CEP170: variants seen among roughly 807,000 people sequenced by gnomAD.
CEP170 encodes the protein centrosomal protein of 170 kDa.
In CEP170, 21 loss-of-function variants were observed where a neutral mutation model predicts 151.9. That is an observed-to-expected ratio of 0.14 (90% confidence interval 0.10 to 0.20). The LOEUF (loss-of-function observed/expected upper bound fraction) is 0.20, where lower values mean the gene tolerates loss of function less well. Among genes scored for constraint, CEP170 ranks in the 10% least tolerant of loss-of-function variants. The pLI is 1.00. For synonymous variants in CEP170, 356 were observed against 648.8 expected, an observed-to-expected ratio of 0.55 and a Z score of 6.86; for missense variants, 964 against 1,892.9, an observed-to-expected ratio of 0.51 and a Z score of 9.11.
chr1:243,159,896 C>A (rs2057925767), intron 13 of CEP170, among the ~76,000 whole-genome samples: 1 of 151,882 alleles, frequency 6.6e-6, no homozygotes, highest in Non-Finnish European at 1.5e-5. Context: ...TCAAGCAATT[C>A]TCCTGCCTCA....
In CEP170 at chr1:243,255,188, A is replaced by T. The variant is rs2066522651; in HGVS notation, c.-190T>A. 1 of 152,976 alleles carries T rather than the reference A, an allele frequency of 6.5e-6. No individual in the cohort carries two copies. Among genetic ancestry groups the T allele is most frequent in the Non-Finnish European group, 1.5e-5 (1 of 68,360 alleles). The allele number at this position is 152,976 out of a possible 1,614,324, so 9.5% of individuals were successfully genotyped here. On this transcript the variant is annotated 5_prime_UTR_variant, in exon 1 of 20. Transcript: ENST00000366542. Reference sequence around the variant, plus strand: ...GCTGCGGTCGAGCTCCGGGGCCCTCAGCTCCGCTGGGCAATAACGTTATTC... The same window carrying T: ...GCTGCGGTCGAGCTCCGGGGCCCTCTGCTCCGCTGGGCAATAACGTTATTC...
chr1:243,195,862 T>C (rs1326479179), intron 7 of CEP170, among the ~76,000 whole-genome samples: 1 of 151,966 alleles, frequency 6.6e-6, no homozygotes. Flanking sequence ...GAAACAGTAA[T>C]ATCCTCATAC....
intron 11 of CEP170, among the ~76,000 whole-genome samples, chr1:243,169,986 TC>T (rs1201934092): frequency 6.6e-6 from 1 of 152,040 alleles, no homozygotes; most frequent in East Asian, 1.9e-4. Flanking sequence ...TCAATGAAAA[TC>T]CAAGACAAGC....
intron 14 of CEP170, among the ~76,000 whole-genome samples, chr1:243,147,477 G>A (rs571168091): frequency 6.6e-6 from 1 of 152,276 alleles, no homozygotes; most frequent in African/African-American, 2.4e-5. Flanking sequence ...AACAGCTCAA[G>A]CAGATCTTAA....
At chr1:243,244,020 T>C (rs1022321872) in intron 1 of CEP170, among the ~76,000 whole-genome samples, 1 of 152,186 alleles carries the variant, frequency 6.6e-6, no homozygotes, top group Admixed American at 6.5e-5. Flanking sequence ...CAGTGATTGG[T>C]TGGAAAATAT....
intron 10 of CEP170, 60 bp from the exon 11 acceptor site, chr1:243,172,906 T>C: frequency 7.0e-7 from 1 of 1,435,832 alleles, no homozygotes; most frequent in South Asian, 1.6e-5. Context: ...GATTAATATG[T>C]GAATAGTATA....
At chr1:243,196,943 C>T (rs1411136402) in intron 7 of CEP170, among the ~76,000 whole-genome samples, 1 of 152,054 alleles carries the variant, frequency 6.6e-6, no homozygotes, top group Non-Finnish European at 1.5e-5. Context: ...ATGGGGGATG[C>T]ATTGGGAGAG....
At chr1:243,160,135 T>C (rs1307708803) in intron 13 of CEP170, among the ~76,000 whole-genome samples, 1 of 152,206 alleles carries the variant, frequency 6.6e-6, no homozygotes, top group East Asian at 1.9e-4. Context: ...AATGATAGTT[T>C]TTCTGATATC....
At chr1:243,198,031 A>C (rs568511991) in intron 7 of CEP170, among the ~76,000 whole-genome samples, 1 of 152,230 alleles carries the variant, frequency 6.6e-6, no homozygotes, top group East Asian at 1.9e-4. Context: ...CCAGCTAAGA[A>C]AAATGTCCTA....
At chr1:243,204,623 G>C (rs1558581731) in intron 4 of CEP170, among the ~76,000 whole-genome samples, 1 of 152,118 alleles carries the variant, frequency 6.6e-6, no homozygotes, top group East Asian at 1.9e-4. Context: ...TAGCACATTA[G>C]TGGTTTCTCC....
chr1:243,162,168 T>C (rs1474610287), intron 13 of CEP170, among the ~76,000 whole-genome samples: 2 of 152,326 alleles, frequency 1.3e-5, no homozygotes, highest in East Asian at 3.9e-4. Context: ...TTATATTGTA[T>C]ATTGACCTTG....
intron 8 of CEP170, among the ~76,000 whole-genome samples, chr1:243,188,887 T>G (rs927318126): frequency 6.6e-6 from 1 of 152,276 alleles, no homozygotes; most frequent in Non-Finnish European, 1.5e-5. Context: ...TGTTATCTAA[T>G]GATGGAAGCT....
chr1:243,172,156 C>A (rs1169397898), intron 11 of CEP170, among the ~76,000 whole-genome samples: 3 of 152,128 alleles, frequency 2.0e-5, no homozygotes, highest in Non-Finnish European at 4.4e-5. Context: ...TCATTAACTG[C>A]TTACTGAAAC....
At chr1:243,217,822 A>C (rs2062439736) in intron 3 of CEP170, among the ~76,000 whole-genome samples, 1 of 152,208 alleles carries the variant, frequency 6.6e-6, no homozygotes, top group African/African-American at 2.4e-5. Context: ...GGTGAGGAAA[A>C]TGAGGCAAAG....
At position 243,180,746 on chromosome 1, in the gene CEP170, T is replaced by A. The variant is rs531621776; in HGVS notation, c.1566+5033A>T. Among the ~76,000 whole-genome samples the A allele has an allele frequency of 4.1e-3, 617 of 152,330 alleles. 5 individuals carry two copies. The highest frequency in any genetic ancestry group is 0.014 in the African/African-American group (588 of 41,564). ...CAGGGTCCAGATCCGCAGCACTGAC[T>A]TTCTTGAGCTGTTTGACTCACTGCT... On this transcript the variant is annotated intron_variant, in intron 10 of 19. Transcript: ENST00000366542.
At chr1:243,178,986 G>C (rs2059443932) in intron 10 of CEP170, among the ~76,000 whole-genome samples, 1 of 152,140 alleles carries the variant, frequency 6.6e-6, no homozygotes, top group Non-Finnish European at 1.5e-5. Flanking sequence ...CAAAGTGCTG[G>C]GATTACAGGC....
intron 7 of CEP170, among the ~76,000 whole-genome samples, chr1:243,197,571 C>T (rs1394887918): frequency 1.3e-5 from 2 of 151,966 alleles, no homozygotes; most frequent in East Asian, 1.9e-4. Context: ...GTAACGTTTT[C>T]GCTTTCCTGT....
rs532732512 is a variant in CEP170 at position 243,234,956 on chromosome 1, G to GT, written c.-41-9636dup. On this transcript the variant is annotated intron_variant, in intron 1 of 19. Transcript: ENST00000366542. Reference sequence around the variant, plus strand: ...ATAGGTGTGTATATAGACATAATTGGTTTTAGCTACAAAAATTCTTCAAGT... The same window carrying GT: ...ATAGGTGTGTATATAGACATAATTGGTTTTTAGCTACAAAAATTCTTCAAGT... Among the ~76,000 whole-genome samples the GT allele has an allele frequency of 2.3e-3, 350 of 152,150 alleles. 1 individual carries two copies. The highest frequency in any genetic ancestry group is 4.3e-3 in the Non-Finnish European group (293 of 68,002).
intron 13 of CEP170, among the ~76,000 whole-genome samples, chr1:243,161,516 C>G (rs764119590): frequency 2.0e-5 from 3 of 152,046 alleles, no homozygotes; most frequent in Non-Finnish European, 4.4e-5. Context: ...TTGTCCAAGG[C>G]TGGAATGCAG....
Sources: gnomAD v4.1 joint callset for allele counts (sites outside exome capture counted in the v4.1 genomes callset) on GRCh38, gnomAD v4.1.1 for gene constraint, MANE v1.5 for transcripts, NCBI Gene and HGNC (gene_info 2026-07-23, HGNC 2026-07-21) for gene names.